The following ZFHX3 variants were observed in gnomAD, a reference collection of about 807,000 sequenced individuals.
ZFHX3 encodes the protein zinc finger homeobox protein 3.
In ZFHX3, 42 loss-of-function variants were observed where a neutral mutation model predicts 279.1. The observed-to-expected ratio is 0.15, with a 90% confidence interval of 0.12 to 0.19. The LOEUF (loss-of-function observed/expected upper bound fraction) is 0.19. Among genes scored for constraint, ZFHX3 ranks in the 10% least tolerant of loss-of-function variants. ZFHX3 has a pLI of 1.00. For missense variants in ZFHX3, 4,981 were observed against 4,754.0 expected, an observed-to-expected ratio of 1.05 and a Z score of -1.40; for synonymous variants, 2,293 against 1,957.8, an observed-to-expected ratio of 1.17 and a Z score of -4.52.
At chr16:73,889,323 G>T (rs2030452210) in intron 1 of ZFHX3, among the ~76,000 whole-genome samples, 1 of 152,148 alleles carries the variant, frequency 6.6e-6, no homozygotes, top group African/African-American at 2.4e-5. Flanking sequence ...GCAGGCAAAG[G>T]GTGTAAGAAT....
chr16:73,774,994 C>A (rs566305837), intron 1 of ZFHX3, among the ~76,000 whole-genome samples: 1 of 152,292 alleles, frequency 6.6e-6, no homozygotes, highest in South Asian at 2.1e-4. Flanking sequence ...GATATCATCT[C>A]TTGGACTCTG....
chr16:72,969,120 C>T (rs144878372), intron 1 of ZFHX3, among the ~76,000 whole-genome samples: 171 of 152,212 alleles, frequency 1.1e-3, no homozygotes, highest in Non-Finnish European at 2.1e-3. Flanking sequence ...AGTAAAAATT[C>T]GACATAGTAA....
chr16:73,832,790 T>C (rs991667316), intron 1 of ZFHX3, among the ~76,000 whole-genome samples: 3 of 152,192 alleles, frequency 2.0e-5, no homozygotes, highest in African/African-American at 7.2e-5. Context: ...TAAATATATA[T>C]CTACACACAC....
intron 4 of ZFHX3, among the ~76,000 whole-genome samples, chr16:72,867,391 G>A (rs73590724): frequency 2.0e-5 from 3 of 152,138 alleles, no homozygotes; most frequent in Non-Finnish European, 4.4e-5. Context: ...TCCTGAGCAG[G>A]AAGATGAGAA....
intron 2 of ZFHX3, among the ~76,000 whole-genome samples, chr16:73,665,213 T>TC (rs2052824329): frequency 4.0e-4 from 1 of 2,518 alleles, no homozygotes; most frequent in Non-Finnish European, 1.0e-3. Flanking sequence ...ATCATTGCAC[T>TC]TTTTTTTTTT....
In ZFHX3 at chr16:72,958,195, A is replaced by G. The variant is rs1961358907; in HGVS notation, c.1951T>C (p.Ser651Pro). The G allele has an allele frequency of 6.2e-7, 1 of 1,611,490 alleles. No individual in the cohort carries two copies. Among genetic ancestry groups the G allele is most frequent in the Non-Finnish European group, 8.5e-7 (1 of 1,177,950 alleles). Residue 651 changes from serine to proline, a missense_variant, in exon 2 of 10, where the codon TCC becomes CCC. Around this residue, in one of 7 missense-constraint regions of ZFHX3, gnomAD observed 1,068 missense variants for 935.2 expected, o/e 1.14. Transcript: ENST00000268489. ...ECPKCDTVLG[S>P]SRSLGGHMTM... ...ATGTGGCCGCCCAGCGAGCGGGAGGAGCCCAGGACCGTGTCGCATTTGGGG... is the reference window on the plus strand; with the variant it reads ...ATGTGGCCGCCCAGCGAGCGGGAGGGGCCCAGGACCGTGTCGCATTTGGGG...
At chr16:73,534,002 T>C (rs1387599419) in intron 2 of ZFHX3, among the ~76,000 whole-genome samples, 1 of 152,198 alleles carries the variant, frequency 6.6e-6, no homozygotes, top group Non-Finnish European at 1.5e-5. Flanking sequence ...GAAATCCTTC[T>C]GATCTCATCT....
At chr16:73,612,122 A>C (rs1422010608) in intron 2 of ZFHX3, among the ~76,000 whole-genome samples, 1 of 152,232 alleles carries the variant, frequency 6.6e-6, no homozygotes, top group Non-Finnish European at 1.5e-5. Context: ...GTTGTGGGAA[A>C]CTAAAGGCAA....
intron 8 of ZFHX3, among the ~76,000 whole-genome samples, chr16:73,068,776 C>A (rs540402740): frequency 1.3e-5 from 2 of 152,202 alleles, no homozygotes; most frequent in African/African-American, 4.8e-5. Flanking sequence ...GACAGACATC[C>A]AAAGGCAGGC....
intron 3 of ZFHX3, among the ~76,000 whole-genome samples, chr16:73,408,996 T>C (rs959530942): frequency 6.6e-6 from 1 of 152,124 alleles, no homozygotes; most frequent in Admixed American, 6.5e-5. Context: ...TGCAAGGGAC[T>C]CCCACTGTTA....
intron 1 of ZFHX3, chr16:73,680,371 T>TA (rs1218731728): frequency 6.6e-6 from 1 of 152,196 alleles, no homozygotes; most frequent in Non-Finnish European, 1.5e-5. Flanking sequence ...GGAAAGTTGC[T>TA]AAAAAATGTT....
chr16:73,434,601 A>G (rs541407837), intron 3 of ZFHX3, among the ~76,000 whole-genome samples: 4 of 70,468 alleles, frequency 5.7e-5, no homozygotes, highest in African/African-American at 2.1e-4. Context: ...TGACTCATCT[A>G]TGGATGGTGT....
At chr16:72,942,394 A>G (rs962104968) in intron 3 of ZFHX3, among the ~76,000 whole-genome samples, 3 of 152,222 alleles carry the variant, frequency 2.0e-5, no homozygotes, top group Non-Finnish European at 2.9e-5. Context: ...GAAGAATTCC[A>G]CGGTGTGACT....
intron 1 of ZFHX3, among the ~76,000 whole-genome samples, chr16:73,833,547 TGAACAATGA>T (rs1264243337): frequency 2.0e-5 from 3 of 151,552 alleles, no homozygotes; most frequent in African/African-American, 7.3e-5. Context: ...AAGTGGGAGT[TGAACAATGA>T]GAACACACGG....
chr16:73,493,855 G>A (rs1042008464), intron 2 of ZFHX3, among the ~76,000 whole-genome samples: 2 of 152,056 alleles, frequency 1.3e-5, no homozygotes, highest in Non-Finnish European at 2.9e-5. Flanking sequence ...ATGTCATCTG[G>A]CACTCTGTCC....
Position 73,754,223 on chromosome 16 carries a change from G to A in ZFHX3, c.-1607-73983C>T, listed in dbSNP as rs142567093. 4.9e-3 allele frequency among the ~76,000 whole-genome samples: 753 copies of A among 152,180 alleles called. 7 individuals are homozygous for A. Among genetic ancestry groups the A allele is most frequent in the Middle Eastern group, 0.027 (8 of 294 alleles). On this transcript the variant is annotated intron_variant, in intron 1 of 17. Coordinates refer to the ZFHX3 transcript ENST00000641206. ...CTACAAGTATTTCTACTCAAAAAAC[G>A]TCCGCAGCCTGATCTACTATCTTAC...
chr16:73,686,517 G>A (rs1329554470), intron 1 of ZFHX3, among the ~76,000 whole-genome samples: 1 of 152,122 alleles, frequency 6.6e-6, no homozygotes, highest in Non-Finnish European at 1.5e-5. Context: ...TGACCCTTCG[G>A]GAATTCTTGC....
At chr16:73,180,420 T>A (rs1391997084) in intron 5 of ZFHX3, among the ~76,000 whole-genome samples, 1 of 152,208 alleles carries the variant, frequency 6.6e-6, no homozygotes, top group Non-Finnish European at 1.5e-5. Flanking sequence ...CTGTATACTC[T>A]ACCTGCCAGC....
chr16:73,807,806 A>G (rs1171067989), intron 1 of ZFHX3, among the ~76,000 whole-genome samples: 3 of 150,378 alleles, frequency 2.0e-5, no homozygotes, highest in Non-Finnish European at 3.0e-5. Context: ...CATCCCACCT[A>G]CCCACCCATT....
Sources: allele counts gnomAD v4.1 joint callset (sites outside exome capture counted in the v4.1 genomes callset), GRCh38; gene constraint gnomAD v4.1.1; regional missense constraint gnomAD v4.1.1; transcripts MANE v1.5; gene names NCBI Gene and HGNC (gene_info 2026-07-23, HGNC 2026-07-21).